MARCHF1: variants seen among roughly 807,000 people sequenced by gnomAD.
The protein encoded by MARCHF1 is E3 ubiquitin-protein ligase MARCHF1.
In MARCHF1, 40 loss-of-function variants were observed where a neutral mutation model predicts 54.2. That is an observed-to-expected ratio of 0.74 (90% CI 0.57 to 0.96). The LOEUF (loss-of-function observed/expected upper bound fraction) is 0.96, where lower values mean the gene tolerates loss of function less well. Among genes scored for constraint, MARCHF1 ranks in the 40% least tolerant of loss-of-function variants. MARCHF1 has a pLI of 0.00. For missense variants in MARCHF1, 586 were observed against 656.5 expected (o/e 0.89, Z 1.17); for synonymous variants, 236 against 236.3 (o/e 1.00, Z 0.01).
At chr4:163,974,556 T>C (rs1752612754) in intron 3 of MARCHF1, among the ~76,000 whole-genome samples, 1 of 152,246 alleles carries the variant, frequency 6.6e-6, no homozygotes, top group Non-Finnish European at 1.5e-5. Context: ...ATACCTGCTA[T>C]ATCCTGTTTG....
At chr4:163,998,165 C>T (rs1161393526) in intron 2 of MARCHF1, among the ~76,000 whole-genome samples, 1 of 151,070 alleles carries the variant, frequency 6.6e-6, no homozygotes, top group Non-Finnish European at 1.5e-5. Flanking sequence ...ACCATTACAA[C>T]TACTCTATAA....
At chr4:163,550,227 G>A (rs183503677) in intron 8 of MARCHF1, among the ~76,000 whole-genome samples, 6 of 149,866 alleles carry the variant, frequency 4.0e-5, no homozygotes, top group South Asian at 2.1e-4. Context: ...GATTGCAGTG[G>A]GCCGAGATCG....
chr4:163,944,260 G>A (rs1751981037), intron 3 of MARCHF1, among the ~76,000 whole-genome samples: 1 of 151,968 alleles, frequency 6.6e-6, no homozygotes. Flanking sequence ...GGGATTACAG[G>A]CGTGAGCCAC....
chr4:164,176,308 AT>A, intron 1 of MARCHF1, among the ~76,000 whole-genome samples: 1 of 152,170 alleles, frequency 6.6e-6, no homozygotes, highest in Non-Finnish European at 1.5e-5. Context: ...CAATATAGTC[AT>A]TGGTGCTTGC....
intron 8 of MARCHF1, among the ~76,000 whole-genome samples, chr4:163,554,077 G>T (rs952948524): frequency 6.6e-6 from 1 of 152,190 alleles, no homozygotes; most frequent in Non-Finnish European, 1.5e-5. Flanking sequence ...GCAGTATTTA[G>T]ACTAGTACTT....
intron 8 of MARCHF1, among the ~76,000 whole-genome samples, chr4:163,553,549 T>C (rs1475124044): frequency 6.6e-6 from 1 of 152,240 alleles, no homozygotes; most frequent in Non-Finnish European, 1.5e-5. Context: ...TTACTTTGCA[T>C]ATACTAGGTA....
chr4:164,036,609 A>G lies in MARCHF1; in HGVS notation c.-247-47900T>C, dbSNP rs190637724. Among the ~76,000 whole-genome samples the G allele has an allele frequency of 4.6e-3, 701 of 152,320 alleles. 5 individuals are homozygous for G. The highest frequency in any genetic ancestry group is 0.016 in the African/African-American group (665 of 41,582). ...TTTAAAAGACAAAAGAAAATACAAG[A>G]TATTTATTTTTATTTAATCATTCTC... On this transcript the variant is annotated intron_variant, in intron 2 of 9. Transcript: ENST00000514618.
At chr4:164,108,480 T>C (rs1030115079) in intron 2 of MARCHF1, among the ~76,000 whole-genome samples, 2 of 152,074 alleles carry the variant, frequency 1.3e-5, no homozygotes, top group Non-Finnish European at 2.9e-5. Context: ...TTTAAGGTGT[T>C]GTGAAAGAGC....
At chr4:164,163,657 G>A (rs1730298288) in intron 1 of MARCHF1, among the ~76,000 whole-genome samples, 1 of 151,840 alleles carries the variant, frequency 6.6e-6, no homozygotes, top group Admixed American at 6.6e-5. Flanking sequence ...AGTTAAGGAT[G>A]TTAATACCTT....
At chr4:164,015,555 A>G (rs182350282) in intron 2 of MARCHF1, among the ~76,000 whole-genome samples, 1 of 152,216 alleles carries the variant, frequency 6.6e-6, no homozygotes, top group Non-Finnish European at 1.5e-5. Context: ...TAAACTTCCA[A>G]TCTAACAAGG....
At chr4:164,312,366 A>G (rs1579711579) in intron 1 of MARCHF1, among the ~76,000 whole-genome samples, 1 of 118,986 alleles carries the variant, frequency 8.4e-6, no homozygotes, top group African/African-American at 3.3e-5. Flanking sequence ...TCTATCGCCC[A>G]GGCTGGAGGG....
At chr4:163,782,580 G>T (rs986174955) in intron 4 of MARCHF1, among the ~76,000 whole-genome samples, 3 of 145,986 alleles carry the variant, frequency 2.1e-5, no homozygotes, top group African/African-American at 7.6e-5. Flanking sequence ...TGAGGAAGGA[G>T]AATCACTTGA....
In MARCHF1 at chr4:163,877,065, C is replaced by T. The variant is rs549942164; in HGVS notation, c.-38-22896G>A. Among the ~76,000 whole-genome samples, 18 of 152,228 alleles carry T rather than the reference C, an allele frequency of 1.2e-4. No individual in the cohort carries two copies. The South Asian group carries it at 3.7e-3, about 32-fold the overall frequency. Reference sequence around the variant, plus strand: ...AGAAAGTAGTCCCCAAATCTTATATCTCCACAGGTTTCTGAATAATAGCTA... The same window carrying T: ...AGAAAGTAGTCCCCAAATCTTATATTTCCACAGGTTTCTGAATAATAGCTA... On this transcript the variant is annotated intron_variant, in intron 3 of 9. Transcript: ENST00000514618.
intron 2 of MARCHF1, among the ~76,000 whole-genome samples, chr4:164,041,292 A>G (rs1164361321): frequency 6.6e-6 from 1 of 152,076 alleles, no homozygotes; most frequent in Non-Finnish European, 1.5e-5. Flanking sequence ...TACCCTACCA[A>G]TATCTATCAG....
At chr4:164,370,004 T>A (rs965745595) in intron 1 of MARCHF1, among the ~76,000 whole-genome samples, 6 of 152,200 alleles carry the variant, frequency 3.9e-5, no homozygotes, top group Non-Finnish European at 8.8e-5. Flanking sequence ...GGGAATAAAT[T>A]GCAAAAACCT....
intron 2 of MARCHF1, among the ~76,000 whole-genome samples, chr4:164,036,452 C>T (rs1319089890): frequency 6.6e-6 from 1 of 152,018 alleles, no homozygotes; most frequent in Non-Finnish European, 1.5e-5. Context: ...TCTAGTGATT[C>T]CAATGCTGTC....
rs1161900493 is a variant in MARCHF1 at position 164,105,210 on chromosome 4, A to C, written c.-248+6378T>G. Reference sequence around the variant, plus strand: ...ACTGCCCAAGGTAATTTACAGATTCAATGCCATCCCCATCAAGCTACCAAT... The same window carrying C: ...ACTGCCCAAGGTAATTTACAGATTCCATGCCATCCCCATCAAGCTACCAAT... On this transcript the variant is annotated intron_variant, in intron 2 of 9. Coordinates refer to ENST00000514618, the MANE Select transcript of MARCHF1 (RefSeq NM_001394959.1). 4.0e-4 allele frequency among the ~76,000 whole-genome samples: 38 copies of C among 95,172 alleles called. No individual in the cohort carries two copies. In the South Asian group the frequency reaches 4.6e-3, roughly 12 times the overall value. 62.4% of individuals were successfully genotyped at this position (95,172 alleles called of 152,430 possible).
chr4:163,775,702 T>C (rs1747285732), intron 4 of MARCHF1, among the ~76,000 whole-genome samples: 1 of 152,008 alleles, frequency 6.6e-6, no homozygotes, highest in Non-Finnish European at 1.5e-5. Context: ...AGGACAAATA[T>C]TAGGAAAAGT....
At chr4:163,574,045 G>T (rs1739944246) in intron 8 of MARCHF1, among the ~76,000 whole-genome samples, 1 of 152,096 alleles carries the variant, frequency 6.6e-6, no homozygotes, top group South Asian at 2.1e-4. Context: ...GTTTTGATTT[G>T]CATTTCTCTG....
Sources: allele counts gnomAD v4.1 joint callset (sites outside exome capture counted in the v4.1 genomes callset), GRCh38; gene constraint gnomAD v4.1.1; transcripts MANE v1.5; gene names NCBI Gene and HGNC (gene_info 2026-07-23, HGNC 2026-07-21).